OTUD7A: variants seen among roughly 807,000 people sequenced by gnomAD.
OTUD7A encodes the protein OTU deubiquitinase 7A.
A neutral mutation model predicts 65.7 loss-of-function variants in OTUD7A; 12 were observed. That is an observed-to-expected ratio of 0.18 (90% confidence interval 0.12 to 0.30). OTUD7A has a LOEUF of 0.30. Ranked by LOEUF, OTUD7A falls within the 10% of genes least tolerant of loss-of-function variation. OTUD7A has a pLI of 1.00. For synonymous variants in OTUD7A, 641 were observed against 586.3 expected (o/e 1.09, Z -1.35); for missense variants, 1,148 against 1,304.8 (o/e 0.88, Z 1.85).
chr15:31,573,258 A>C (rs1220151852), intron 3 of OTUD7A, among the ~76,000 whole-genome samples: 1 of 152,252 alleles, frequency 6.6e-6, no homozygotes, highest in Non-Finnish European at 1.5e-5. Context: ...CTTTATGCCC[A>C]TCCAGTCTAC....
At chr15:31,838,856 C>T (rs922141655) in intron 1 of OTUD7A, among the ~76,000 whole-genome samples, 1 of 152,232 alleles carries the variant, frequency 6.6e-6, no homozygotes, top group Non-Finnish European at 1.5e-5. Context: ...CCTAACTGAT[C>T]TTGAACCCCA....
chr15:31,817,271 A>C (rs2140968254), intron 1 of OTUD7A, among the ~76,000 whole-genome samples: 1 of 99,956 alleles, frequency 1.0e-5, no homozygotes, highest in Non-Finnish European at 2.2e-5. Context: ...ACCCTAGATC[A>C]TTTGCCCCCC....
At chr15:31,797,565 G>C (rs563782273) in intron 1 of OTUD7A, among the ~76,000 whole-genome samples, 5 of 152,314 alleles carry the variant, frequency 3.3e-5, no homozygotes, top group East Asian at 3.9e-4. Context: ...TCTTCACTGA[G>C]GGCCCAGGCC....
rs185268589 is a variant in OTUD7A at position 31,740,393 on chromosome 15, A to T, written c.-99-83316T>A. The stretch of plus-strand genomic sequence containing the variant: ...TGCCTCATGCTAGAGCTCACATGTG[A>T]TGGGGCTCACTCTGGCTGCTGCTCA... On this transcript the variant is annotated intron_variant, in intron 1 of 12. Coordinates refer to ENST00000307050, the MANE Select transcript of OTUD7A (RefSeq NM_001382637.1). Among the ~76,000 whole-genome samples the T allele has an allele frequency of 2.1e-5, 3 of 141,680 alleles. No homozygotes were observed. In the East Asian group the frequency reaches 7.4e-4, roughly 35 times the overall value. 92.9% of individuals were successfully genotyped at this position (141,680 alleles called of 152,430 possible). A position where few individuals can be genotyped will look rare whatever the true frequency, so the allele number is the denominator to read the frequency against.
intron 1 of OTUD7A, among the ~76,000 whole-genome samples, chr15:31,674,639 A>G (rs1892556721): frequency 6.6e-6 from 1 of 152,146 alleles, no homozygotes; most frequent in African/African-American, 2.4e-5. Context: ...TGATTCACCA[A>G]TCTGCATGTG....
At chr15:31,581,398 G>A (rs1889365964) in intron 3 of OTUD7A, among the ~76,000 whole-genome samples, 1 of 152,248 alleles carries the variant, frequency 6.6e-6, no homozygotes, top group South Asian at 2.1e-4. Context: ...ACTGGGCAGT[G>A]CCCCAGTAGG....
intron 1 of OTUD7A, among the ~76,000 whole-genome samples, chr15:31,677,333 G>T (rs1892616451): frequency 6.6e-6 from 1 of 152,034 alleles, no homozygotes. Context: ...AGATTTGTGG[G>T]GATGTTCATT....
At chr15:31,629,414 T>G (rs1595669432) in intron 3 of OTUD7A, among the ~76,000 whole-genome samples, 2 of 152,264 alleles carry the variant, frequency 1.3e-5, no homozygotes, top group South Asian at 2.1e-4. Context: ...TGTGTACATT[T>G]AACCAGCCTT....
intron 1 of OTUD7A, among the ~76,000 whole-genome samples, chr15:31,748,838 C>G (rs996258571): frequency 3.9e-5 from 6 of 152,084 alleles, no homozygotes; most frequent in African/African-American, 1.4e-4. Context: ...TTTATTTTTG[C>G]ATTATACCCT....
chr15:31,789,555 C>G (rs1490526974), intron 1 of OTUD7A, among the ~76,000 whole-genome samples: 1 of 152,134 alleles, frequency 6.6e-6, no homozygotes, highest in Non-Finnish European at 1.5e-5. Context: ...GGCTCAACAT[C>G]GTGCCACTCA....
chr15:31,630,581 G>A (rs1341743920), intron 3 of OTUD7A, among the ~76,000 whole-genome samples: 2 of 152,170 alleles, frequency 1.3e-5, no homozygotes, highest in Non-Finnish European at 2.9e-5. Flanking sequence ...GGGGTGGAGA[G>A]TTCTGTAGAT....
At chr15:31,598,338 C>T (rs1889968765) in intron 3 of OTUD7A, among the ~76,000 whole-genome samples, 1 of 152,194 alleles carries the variant, frequency 6.6e-6, no homozygotes, top group South Asian at 2.1e-4. Flanking sequence ...ACAGTGGGTG[C>T]AGCCCACAGA....
chr15:31,559,259 A>C, intron 4 of OTUD7A, 72 bp from the exon 5 acceptor site: 1 of 1,387,812 alleles, frequency 7.2e-7, no homozygotes, highest in Non-Finnish European at 9.9e-7. Flanking sequence ...ACATAAACAC[A>C]CATACTATGC....
At chr15:31,589,943 GA>G (rs921501193) in intron 3 of OTUD7A, among the ~76,000 whole-genome samples, 25 of 152,014 alleles carry the variant, frequency 1.6e-4, no homozygotes, top group African/African-American at 5.1e-4. Flanking sequence ...ATAATTTTGG[GA>G]AAAAAACCTT....
chr15:31,783,310 A>G (rs1200023764), intron 1 of OTUD7A, among the ~76,000 whole-genome samples: 2 of 152,196 alleles, frequency 1.3e-5, no homozygotes, highest in African/African-American at 2.4e-5. Flanking sequence ...CTTACCTTTT[A>G]ATGTCATGCA....
chr15:31,770,104 C>G (rs1001310297), intron 1 of OTUD7A, among the ~76,000 whole-genome samples: 7 of 151,970 alleles, frequency 4.6e-5, no homozygotes, highest in African/African-American at 1.7e-4. Flanking sequence ...AAGACCAGAA[C>G]AGAAAACAGA....
intron 6 of OTUD7A, among the ~76,000 whole-genome samples, chr15:31,529,533 T>C (rs1401638741): frequency 6.6e-6 from 1 of 152,168 alleles, no homozygotes; most frequent in Non-Finnish European, 1.5e-5. Flanking sequence ...TGGAGTACTT[T>C]TGCAATGCCA....
chr15:31,484,659 G>A lies in OTUD7A; in HGVS notation c.1437C>T (p.Asp479=). 6.3e-7 allele frequency: 1 copy of A among 1,582,644 alleles called. No individual in the cohort carries two copies. Among genetic ancestry groups the A allele is most frequent in the Non-Finnish European group, 8.6e-7 (1 of 1,167,042 alleles). ...SAGEDVQSLA[D]SLDSDRDSVC... Reference sequence around the variant, plus strand: ...CCGAATCGCGGTCCGAGTCCAGCGAGTCGGCCAGGGACTGCACGTCCTCCC... The same window carrying A: ...CCGAATCGCGGTCCGAGTCCAGCGAATCGGCCAGGGACTGCACGTCCTCCC... The change falls in exon 13 of 13, where the codon GAC becomes GAT. Residue 479 remains aspartate, a synonymous_variant. Coordinates refer to ENST00000307050, the MANE Select transcript of OTUD7A (RefSeq NM_001382637.1). This position sits in a 1 kb window ranked among gnomAD's most constrained non-coding sequence, Gnocchi z 4.5.
At chr15:31,543,168 G>A (rs1888034326) in intron 5 of OTUD7A, among the ~76,000 whole-genome samples, 1 of 151,802 alleles carries the variant, frequency 6.6e-6, no homozygotes, top group East Asian at 1.9e-4. Context: ...GAATAAGGAT[G>A]AATAAAACTA....
Sources: allele counts gnomAD v4.1 joint callset (sites outside exome capture counted in the v4.1 genomes callset), GRCh38; gene constraint gnomAD v4.1.1; non-coding constraint Gnocchi (gnomAD v3.1); transcripts MANE v1.5; gene names NCBI Gene and HGNC (gene_info 2026-07-23, HGNC 2026-07-21).